Variants in TMEM131 observed in about 807,000 individuals in gnomAD.
The protein encoded by TMEM131 is transmembrane protein 131.
TMEM131 carries 66 observed loss-of-function variants against 211.6 expected under a neutral mutation model. That is an observed-to-expected ratio of 0.31 (90% CI 0.26 to 0.38). TMEM131 has a LOEUF of 0.38. Ranked by LOEUF, TMEM131 falls within the 10% of genes least tolerant of loss-of-function variation. The pLI is 1.00. For missense variants in TMEM131, 2,036 were observed against 2,299.3 expected (o/e 0.89, Z 2.34); for synonymous variants, 844 against 841.3 (o/e 1.00, Z -0.06).
chr2:97,890,003 C>A (rs558341155), intron 3 of TMEM131, among the ~76,000 whole-genome samples: 1 of 152,192 alleles, frequency 6.6e-6, no homozygotes, highest in Non-Finnish European at 1.5e-5. Flanking sequence ...GCTGCCAAGA[C>A]CTGAACGACA....
chr2:97,800,221 T>C (rs963055615), intron 25 of TMEM131, among the ~76,000 whole-genome samples: 2 of 152,146 alleles, frequency 1.3e-5, no homozygotes, highest in Non-Finnish European at 2.9e-5. Context: ...AACCACATTC[T>C]ATAGCACTGT....
chr2:97,781,229 G>C (rs1679984992), intron 31 of TMEM131, among the ~76,000 whole-genome samples: 1 of 152,190 alleles, frequency 6.6e-6, no homozygotes, highest in African/African-American at 2.4e-5. Flanking sequence ...CCAGTGCCTT[G>C]CACAGCGCCC....
intron 25 of TMEM131, 97 bp from the exon 26 acceptor site, chr2:97,797,613 A>C: frequency 3.7e-5 from 40 of 1,085,956 alleles, no homozygotes; most frequent in Non-Finnish European, 4.8e-5. Flanking sequence ...ATAGTTTCTC[A>C]AACTGATTAA....
At chr2:97,893,040 C>T (rs1036210009) in intron 3 of TMEM131, among the ~76,000 whole-genome samples, 6 of 152,132 alleles carry the variant, frequency 3.9e-5, no homozygotes, top group Non-Finnish European at 8.8e-5. Flanking sequence ...AATGCTATCC[C>T]TCCCCTAGCC....
At chr2:97,974,711 AAAAG>A (rs1230588420) in intron 1 of TMEM131, among the ~76,000 whole-genome samples, 2 of 152,034 alleles carry the variant, frequency 1.3e-5, no homozygotes, top group African/African-American at 4.8e-5. Context: ...GACTAAAAGA[AAAAG>A]AAAAAAAAAA....
chr2:97,972,041 C>G (rs1002440950), intron 1 of TMEM131, among the ~76,000 whole-genome samples: 15 of 151,740 alleles, frequency 9.9e-5, no homozygotes, highest in African/African-American at 3.4e-4. Flanking sequence ...AACCCCATCT[C>G]TACTAAAACT....
chr2:97,860,319 C>G (rs1358512476), intron 4 of TMEM131, among the ~76,000 whole-genome samples: 1 of 152,180 alleles, frequency 6.6e-6, no homozygotes, highest in East Asian at 1.9e-4. Flanking sequence ...CACGGCTCTG[C>G]TAATCTGCCT....
At chr2:97,892,066 A>G (rs2104284163) in intron 3 of TMEM131, among the ~76,000 whole-genome samples, 1 of 152,358 alleles carries the variant, frequency 6.6e-6, no homozygotes, top group Non-Finnish European at 1.5e-5. Context: ...TTAAATGAAT[A>G]AGACTTCTCC....
intron 3 of TMEM131, among the ~76,000 whole-genome samples, chr2:97,888,515 A>C (rs1456032511): frequency 1.3e-5 from 2 of 152,244 alleles, no homozygotes; most frequent in Non-Finnish European, 2.9e-5. Flanking sequence ...AAAAATCACA[A>C]TCAGATTGTA....
At chr2:97,895,938 GTTCTT>G (rs1426532320) in intron 3 of TMEM131, among the ~76,000 whole-genome samples, 2 of 152,038 alleles carry the variant, frequency 1.3e-5, no homozygotes, top group African/African-American at 4.8e-5. Context: ...TGCTTCTCTA[GTTCTT>G]TTAATTTTGA....
At chr2:97,889,293 T>G (rs1243752621) in intron 3 of TMEM131, among the ~76,000 whole-genome samples, 1 of 152,162 alleles carries the variant, frequency 6.6e-6, no homozygotes, top group Non-Finnish European at 1.5e-5. Flanking sequence ...TATATTTTAC[T>G]AAAGCATGAA....
chr2:97,853,967 G>A lies in TMEM131; in HGVS notation c.483+5337C>T, dbSNP rs1378314634. 2.6e-5 allele frequency among the ~76,000 whole-genome samples: 4 copies of A among 152,190 alleles called. No homozygotes were observed. In the South Asian group the frequency reaches 6.2e-4, roughly 24 times the overall value. On this transcript the variant is annotated intron_variant, in intron 5 of 40. Coordinates refer to ENST00000186436, the MANE Select transcript of TMEM131 (RefSeq NM_015348.2). ...ACTTAGAATACTACATAAACTTAGA[G>A]GCAGGGTTTGAAAGGATTGACTCCA...
chr2:97,802,694 G>A lies in TMEM131; in HGVS notation c.2499C>T (p.Pro833=). The change falls in exon 23 of 41, where the codon CCC becomes CCT. Residue 833 remains proline (P), a synonymous_variant. Transcript: ENST00000186436. ...ELSWPSILSS[P]RHLKFPLTNT... ...TAGTAAGTGGAAATTTCAAGTGCCG[G>A]GGTGAGCTAAGTATGGAAGGCCAGG... 6.2e-7 allele frequency: 1 copy of A among 1,610,502 alleles called. No individual in the cohort carries two copies. Among genetic ancestry groups the A allele is most frequent in the Non-Finnish European group, 8.5e-7 (1 of 1,178,370 alleles).
chr2:97,781,985 C>CGTGG (rs1680030266), intron 31 of TMEM131, among the ~76,000 whole-genome samples: 1 of 152,222 alleles, frequency 6.6e-6, no homozygotes, highest in Non-Finnish European at 1.5e-5. Flanking sequence ...AAGACTTCCA[C>CGTGG]CCTTGCAAGG....
intron 5 of TMEM131, among the ~76,000 whole-genome samples, chr2:97,846,391 TC>T (rs2105119978): frequency 6.6e-6 from 1 of 152,232 alleles, no homozygotes; most frequent in African/African-American, 2.4e-5. Context: ...AGTTCAACAT[TC>T]AAAAATCAAA....
intron 2 of TMEM131, among the ~76,000 whole-genome samples, chr2:97,923,238 C>T (rs1252199859): frequency 6.6e-6 from 1 of 152,146 alleles, no homozygotes; most frequent in African/African-American, 2.4e-5. Context: ...TGAGATTGCT[C>T]ACTGCACTCC....
At chr2:97,925,199 T>A (rs1199007697) in intron 2 of TMEM131, among the ~76,000 whole-genome samples, 1 of 152,102 alleles carries the variant, frequency 6.6e-6, no homozygotes, top group African/African-American at 2.4e-5. Flanking sequence ...AAAAAGAAAG[T>A]TAGATTAGGA....
At chr2:97,889,352 G>A (rs1203102183) in intron 3 of TMEM131, among the ~76,000 whole-genome samples, 3 of 152,056 alleles carry the variant, frequency 2.0e-5, no homozygotes, top group Non-Finnish European at 2.9e-5. Context: ...ACACAGTGTT[G>A]GCATCTATTC....
Position 97,766,217 on chromosome 2 carries a change from G to C in TMEM131, c.4620C>G (p.Phe1540Leu), listed in dbSNP as rs557351417. The change falls in exon 35 of 41, where the codon TTC becomes TTG. Residue 1540 changes from phenylalanine to leucine, a missense_variant. Phe to Leu is a conservative substitution (Grantham distance 22). Around this residue, in one of 3 missense-constraint regions of TMEM131, gnomAD observed 1,623 missense variants for 1,805.9 expected, o/e 0.90. Coordinates refer to ENST00000186436, the MANE Select transcript of TMEM131 (RefSeq NM_015348.2). ...VDNRPPALAK[F>L]LPNSQELGNT... is the part of the protein sequence containing the mutation. ...TGCCTAATTCTTGACTATTCGGGAG[G>C]AATTTTGCTAGGGCAGGTGGTCTGT... 3.3e-5 allele frequency: 54 copies of C among 1,613,916 alleles called. No homozygotes were observed. In the South Asian group the frequency reaches 5.3e-4, roughly 16 times the overall value.
Sources: gnomAD v4.1 joint callset for allele counts (sites outside exome capture counted in the v4.1 genomes callset) on GRCh38, gnomAD v4.1.1 for gene constraint, gnomAD v4.1.1 regional missense constraint, MANE v1.5 for transcripts, NCBI Gene and HGNC (gene_info 2026-07-23, HGNC 2026-07-21) for gene names.